Variants in STS observed in about 807,000 individuals in gnomAD.
STS encodes steryl-sulfatase.
A neutral mutation model predicts 26.8 loss-of-function variants in STS; 7 were observed. That is an observed-to-expected ratio of 0.26 (90% confidence interval 0.15 to 0.49). STS has a LOEUF of 0.49. STS is among the 20% of genes least tolerant of loss of function. The pLI is 0.98. For missense variants in STS, 434 were observed against 465.6 expected (o/e 0.93, Z 0.63); for synonymous variants, 199 against 189.4 (o/e 1.05, Z -0.42).
intron 7 of STS, among the ~76,000 whole-genome samples, chrX:7,281,030 G>T (rs190599852): frequency 8.9e-6 from 1 of 111,789 alleles, no homozygotes; most frequent in African/African-American, 3.3e-5. Flanking sequence ...GCCAGGCATG[G>T]TGTCACATGC....
At chrX:7,263,220 C>T (rs1008257784) in intron 6 of STS, among the ~76,000 whole-genome samples, 1 of 111,184 alleles carries the variant, frequency 9.0e-6, no homozygotes, top group African/African-American at 3.3e-5. Flanking sequence ...AGGTGTGTGC[C>T]ACCACGCCCA....
At chrX:7,310,641 A>G (rs1286379398) in intron 8 of STS, among the ~76,000 whole-genome samples, 2 of 111,816 alleles carry the variant, frequency 1.8e-5, no homozygotes, top group Non-Finnish European at 1.9e-5. Flanking sequence ...AAACAAATTC[A>G]TGGAAGTTTC....
rs766040716 is a variant in STS, at chrX:7,349,666, A to G, written c.1364-222A>G. On this transcript the variant is annotated intron_variant, in intron 10 of 10. Transcript: ENST00000674429. The stretch of plus-strand genomic sequence containing the variant: ...AAACTGAGAAAATAAACTGTTAACT[A>G]TGGTCCTACCAAGTTTGACGCTGTT... Among the ~76,000 whole-genome samples the G allele has an allele frequency of 1.2e-4, 13 of 111,104 alleles. No homozygotes were observed. In the East Asian group the frequency reaches 1.4e-3, roughly 12 times the overall value.
Position 7,349,962 on chromosome X carries a change from C to T in STS, c.1438C>T (p.His480Tyr), listed in dbSNP as rs780570123. The T allele has an allele frequency of 8.3e-7, 1 of 1,210,240 alleles. No homozygotes were observed. The highest frequency in any genetic ancestry group is 1.7e-5 in the African/African-American group (1 of 57,244). Residue 480 changes from histidine to tyrosine, a missense_variant, in exon 11 of 11, where the codon CAC (histidine) becomes TAC (tyrosine). Transcript: ENST00000674429. Reference protein sequence around the residue: ...PVGSNGCFATHVCFCFGSYVT... With the variant: ...PVGSNGCFATYVCFCFGSYVT... The stretch of plus-strand genomic sequence containing the variant: ...GGGTTCCAACGGATGCTTTGCCACA[C>T]ACGTGTGCTTCTGTTTCGGGAGTTA...
At chrX:7,213,501 C>T (rs1383102295) in intron 2 of STS, among the ~76,000 whole-genome samples, 1 of 111,630 alleles carries the variant, frequency 9.0e-6, no homozygotes, top group Non-Finnish European at 1.9e-5. Flanking sequence ...CAAAGGCAGA[C>T]AGGTGGACAG....
intron 2 of STS, among the ~76,000 whole-genome samples, chrX:7,223,877 T>C (rs1334341848): frequency 9.0e-6 from 1 of 111,379 alleles, no homozygotes; most frequent in Non-Finnish European, 1.9e-5. Flanking sequence ...GCAGAAGACA[T>C]AGACTACATA....
intron 9 of STS, among the ~76,000 whole-genome samples, chrX:7,333,719 G>C (rs1043735915): frequency 8.9e-6 from 1 of 112,510 alleles, no homozygotes; most frequent in Non-Finnish European, 1.9e-5. Flanking sequence ...CATGACCTTG[G>C]GCAAATTACT....
intron 2 of STS, among the ~76,000 whole-genome samples, chrX:7,205,219 A>AG (rs1934184941): frequency 8.9e-6 from 1 of 112,696 alleles, no homozygotes; most frequent in South Asian, 3.6e-4. Flanking sequence ...TTGAAAGAAG[A>AG]GGGGCTTTCC....
chrX:7,296,700 C>T (rs184411164), intron 7 of STS, among the ~76,000 whole-genome samples: 1 of 112,298 alleles, frequency 8.9e-6, no homozygotes, highest in African/African-American at 3.2e-5. Context: ...AAATTATTTC[C>T]AGCAAATGCA....
chrX:7,250,210 G>A (rs1249720597), intron 2 of STS, among the ~76,000 whole-genome samples: 2 of 110,743 alleles, frequency 1.8e-5, no homozygotes, highest in Admixed American at 1.9e-4. Flanking sequence ...TTATAGGTGT[G>A]AGCCACCATG....
intron 7 of STS, among the ~76,000 whole-genome samples, chrX:7,288,896 G>C (rs758749156): frequency 2.0e-4 from 22 of 111,674 alleles, no homozygotes; most frequent in African/African-American, 6.5e-4. Flanking sequence ...TGGAAGCCAG[G>C]TGGCTGTAGC....
intron 6 of STS, among the ~76,000 whole-genome samples, chrX:7,261,786 A>G (rs763185293): frequency 8.9e-6 from 1 of 112,408 alleles, no homozygotes; most frequent in East Asian, 2.8e-4. Flanking sequence ...AAAGTGTTTC[A>G]TCAACTCTGA....
In STS at chrX:7,268,814, C is replaced by T. The variant is rs760861634; in HGVS notation, c.807-7137C>T. On this transcript the variant is annotated intron_variant, in intron 6 of 10. Transcript: ENST00000674429. Reference sequence around the variant, plus strand: ...ATCACTTGAGCTCAGGAGTTCAAGACCAGCCTGGGCAATACAGCAAGACCC... The same window carrying T: ...ATCACTTGAGCTCAGGAGTTCAAGATCAGCCTGGGCAATACAGCAAGACCC... Among the ~76,000 whole-genome samples the T allele has an allele frequency of 1.1e-4, 12 of 110,057 alleles. No homozygotes were observed. In the East Asian group the frequency reaches 3.2e-3, roughly 29 times the overall value.
intron 10 of STS, among the ~76,000 whole-genome samples, chrX:7,338,563 G>T (rs367699189): frequency 9.0e-6 from 1 of 111,577 alleles, no homozygotes; most frequent in Non-Finnish European, 1.9e-5. Flanking sequence ...GGGGAACGGG[G>T]CACCAATACC....
chrX:7,162,705 A>G (rs1933268531), intron 1 of STS, among the ~76,000 whole-genome samples: 2 of 108,634 alleles, frequency 1.8e-5, no homozygotes, highest in African/African-American at 6.7e-5. Context: ...CTGGTAGGTA[A>G]AATCATCCTC....
At chrX:7,336,018 A>AT (rs1375792739) in intron 10 of STS, among the ~76,000 whole-genome samples, 1 of 111,678 alleles carries the variant, frequency 9.0e-6, no homozygotes, top group Non-Finnish European at 1.9e-5. Context: ...GTAGCCTTGT[A>AT]GTATAGTTTG....
intron 8 of STS, among the ~76,000 whole-genome samples, chrX:7,325,002 G>A (rs1479832722): frequency 6.3e-5 from 7 of 111,079 alleles, no homozygotes; most frequent in African/African-American, 2.3e-4. Context: ...CACAGCTGGT[G>A]TAAAGTAGAA....
intron 2 of STS, among the ~76,000 whole-genome samples, chrX:7,216,381 C>T (rs1488930235): frequency 9.0e-6 from 1 of 111,397 alleles, no homozygotes; most frequent in Non-Finnish European, 1.9e-5. Flanking sequence ...AAAGTCTCCC[C>T]GGTTGGTATC....
At chrX:7,299,423 A>G (rs1176230975) in intron 7 of STS, among the ~76,000 whole-genome samples, 2 of 103,148 alleles carry the variant, frequency 1.9e-5, no homozygotes, top group Non-Finnish European at 3.9e-5. Context: ...AATTTTATAT[A>G]TGTGTATATA....
Sources: gnomAD v4.1 joint callset for allele counts (sites outside exome capture counted in the v4.1 genomes callset) on GRCh38, gnomAD v4.1.1 for gene constraint, MANE v1.5 for transcripts, NCBI Gene and HGNC (gene_info 2026-07-23, HGNC 2026-07-21) for gene names.